The following FAM216A variants were observed in gnomAD, a reference collection of about 807,000 sequenced individuals.
FAM216A encodes family with sequence similarity 216 member A.
In FAM216A, 26 loss-of-function variants were observed where a neutral mutation model predicts 37.6. The ratio of observed to expected loss-of-function variants is 0.69; its 90% confidence interval spans 0.51 to 0.96. The LOEUF is 0.96. Ranked by LOEUF, FAM216A falls within the 40% of genes least tolerant of loss-of-function variation. FAM216A has a pLI of 0.00. For synonymous variants in FAM216A, 110 were observed against 121.7 expected, an observed-to-expected ratio of 0.90 and a Z score of 0.64; for missense variants, 326 against 339.3, an observed-to-expected ratio of 0.96 and a Z score of 0.31.
chr12:110,470,757 C>CT (rs1269026904), intron 1 of FAM216A, among the ~76,000 whole-genome samples: 7 of 152,006 alleles, frequency 4.6e-5, no homozygotes. Flanking sequence ...TTGTCCTTTC[C>CT]TTTTATCTCC....
chr12:110,474,623 C>T (rs1382078337), intron 2 of FAM216A, among the ~76,000 whole-genome samples: 4 of 127,894 alleles, frequency 3.1e-5, no homozygotes, highest in South Asian at 2.7e-4. Context: ...ACTCAGGAGG[C>T]GGAGGTTGCA....
intron 2 of FAM216A, among the ~76,000 whole-genome samples, chr12:110,474,148 G>T (rs2062702548): frequency 6.6e-6 from 1 of 151,996 alleles, no homozygotes; most frequent in Non-Finnish European, 1.5e-5. Flanking sequence ...TAAAAAATGT[G>T]TTGCAGTCTG....
At chr12:110,479,358 C>G (rs2062733262) in intron 2 of FAM216A, among the ~76,000 whole-genome samples, 1 of 152,032 alleles carries the variant, frequency 6.6e-6, no homozygotes. Flanking sequence ...AATATTTCTA[C>G]TAACTCCAAA....
At chr12:110,472,006 C>T (rs1476607088) in intron 1 of FAM216A, among the ~76,000 whole-genome samples, 3 of 151,540 alleles carry the variant, frequency 2.0e-5, no homozygotes, top group South Asian at 4.2e-4. Flanking sequence ...CTGAGGCGGG[C>T]GAATCAGTTG....
At chr12:110,479,843 A>C (rs1419857248) in intron 2 of FAM216A, among the ~76,000 whole-genome samples, 1 of 151,770 alleles carries the variant, frequency 6.6e-6, no homozygotes, top group Non-Finnish European at 1.5e-5. Context: ...TCTAAAAAAA[A>C]ACCCAAAAAA....
chr12:110,486,596 T>C lies in FAM216A; in HGVS notation c.499T>C (p.Cys167Arg). 3 of 1,614,122 alleles carry C rather than the reference T, an allele frequency of 1.9e-6. No homozygotes were observed. The highest frequency in any genetic ancestry group is 2.5e-6 in the Non-Finnish European group (3 of 1,180,032). ...SRYSQKQHYPCTTWRHQLERE... is the reference protein window; with the variant it reads ...SRYSQKQHYPRTTWRHQLERE... Reference sequence around the variant, plus strand: ...TTACTCACAGAAACAGCATTACCCTTGCACTACATGGCGACATCAACTGGA... The same window carrying C: ...TTACTCACAGAAACAGCATTACCCTCGCACTACATGGCGACATCAACTGGA... Residue 167 changes from cysteine (C) to arginine (R), a missense_variant, in exon 5 of 7, where the codon TGC (cysteine) becomes CGC (arginine). Cys to Arg is a radical substitution (Grantham distance 180). Transcript: ENST00000377673.
rs1223185017 is a variant in FAM216A, at chr12:110,468,902, G to T, written c.27G>T (p.Thr9=). The part of the protein sequence containing the change: MLGQLLPH[T]ARGLGAAEMP... ...TGCTGGGACAGCTGCTCCCGCACACGGCTCGCGGTCTCGGCGCCGCGGAGA... is the reference window on the plus strand; with the variant it reads ...TGCTGGGACAGCTGCTCCCGCACACTGCTCGCGGTCTCGGCGCCGCGGAGA... The change falls in exon 1 of 7, where the codon ACG becomes ACT. Residue 9 remains threonine, a synonymous_variant. Coordinates refer to ENST00000377673, the MANE Select transcript of FAM216A (RefSeq NM_013300.3). The T allele has an allele frequency of 2.0e-6, 3 of 1,520,382 alleles. No individual in the cohort carries two copies. The highest frequency in any genetic ancestry group is 2.4e-5 in the South Asian group (2 of 83,058). The allele number at this position is 1,520,382 out of a possible 1,614,324, so 94.2% of individuals were successfully genotyped here. A position where few individuals can be genotyped will look rare whatever the true frequency, so the allele number is the denominator to read the frequency against.
At chr12:110,471,386 C>T (rs2062686445) in intron 1 of FAM216A, among the ~76,000 whole-genome samples, 1 of 152,158 alleles carries the variant, frequency 6.6e-6, no homozygotes, top group African/African-American at 2.4e-5. Flanking sequence ...CCGTGCCCAG[C>T]ACTTTTTTTC....
chr12:110,488,547 C>A (rs1565855371), intron 6 of FAM216A, among the ~76,000 whole-genome samples: 1 of 151,978 alleles, frequency 6.6e-6, no homozygotes, highest in Non-Finnish European at 1.5e-5. Context: ...TCGTCTGAAC[C>A]CAGAACCACA....
At chr12:110,487,810 G>C (rs375148221) in intron 5 of FAM216A, 51 bp from the exon 6 acceptor site, 152 of 1,094,666 alleles carry the variant, frequency 1.4e-4, no homozygotes, top group Non-Finnish European at 2.0e-4. Context: ...ACATGCCCTA[G>C]GCAGCTGTTC....
chr12:110,485,306 C>A, intron 3 of FAM216A, 107 bp downstream of exon 3: 1 of 902,988 alleles, frequency 1.1e-6, no homozygotes, highest in Non-Finnish European at 1.7e-6. Flanking sequence ...GATGACAAGG[C>A]ATATGCAGTA....
In FAM216A at chr12:110,490,161, T is replaced by G; in HGVS notation, c.*24T>G. 1 of 1,189,536 alleles carries G rather than the reference T, an allele frequency of 8.4e-7. No individual in the cohort carries two copies. The highest frequency in any genetic ancestry group is 1.2e-5 in the South Asian group (1 of 82,448). 73.7% of individuals were successfully genotyped at this position (1,189,536 alleles called of 1,614,324 possible). A position where few individuals can be genotyped will look rare whatever the true frequency, so the allele number is the denominator to read the frequency against. ...GACAGTCTTGTCTCGTGTATTGAAT[T>G]CGTGCCAAAGGTGAGGGTAAGGGGT... On this transcript the variant is annotated 3_prime_UTR_variant, in exon 7 of 7. Transcript: ENST00000377673.
At chr12:110,476,192 C>T (rs1473109670) in intron 2 of FAM216A, among the ~76,000 whole-genome samples, 1 of 151,220 alleles carries the variant, frequency 6.6e-6, no homozygotes, top group East Asian at 1.9e-4. Context: ...GAATAGCATT[C>T]AGTTGTCAAT....
At chr12:110,487,736 TG>T in intron 5 of FAM216A, 124 bp from the exon 6 acceptor site, 1 of 682,250 alleles carries the variant, frequency 1.5e-6, no homozygotes, top group Non-Finnish European at 2.7e-6. Flanking sequence ...CAGGAGAATC[TG>T]GGTGCTGAAA....
chr12:110,488,901 T>A (rs2062792715), intron 6 of FAM216A, among the ~76,000 whole-genome samples: 1 of 152,204 alleles, frequency 6.6e-6, no homozygotes, highest in African/African-American at 2.4e-5. Context: ...AAATATCTTA[T>A]ACTGTACCTT....
Position 110,481,528 on chromosome 12 carries a change from GTT to G in FAM216A, c.185-3536_185-3535del, listed in dbSNP as rs541934479. 7.3e-3 allele frequency among the ~76,000 whole-genome samples: 1,017 copies of G among 138,848 alleles called. 1 individual carries two copies. Among genetic ancestry groups the G allele is most frequent in the Non-Finnish European group, 0.01 (633 of 63,194 alleles). The allele number at this position is 138,848 out of a possible 152,430, so 91.1% of individuals were successfully genotyped here. A position where few individuals can be genotyped will look rare whatever the true frequency, so the allele number is the denominator to read the frequency against. ...CCTGGCTAAGTATTTTGTGTGTGTG[GTT>G]TTTTTTTTTTTTTAGTAGAGACGGG... On this transcript the variant is annotated intron_variant, in intron 2 of 6. Transcript: ENST00000377673.
intron 1 of FAM216A, among the ~76,000 whole-genome samples, chr12:110,470,208 C>A (rs1021578062): frequency 6.6e-6 from 1 of 151,590 alleles, no homozygotes; most frequent in Non-Finnish European, 1.5e-5. Context: ...ACGCCATTCT[C>A]CTCCCTCAGC....
At chr12:110,468,790 A>G, upstream of FAM216A, 1 of 1,461,216 alleles carries the variant, frequency 6.8e-7, no homozygotes, top group Non-Finnish European at 9.0e-7. Flanking sequence ...CAGTGTCCGA[A>G]CGGCTTCGGA....
intron 6 of FAM216A, among the ~76,000 whole-genome samples, chr12:110,488,639 A>G (rs1035968542): frequency 6.6e-5 from 10 of 152,140 alleles, no homozygotes; most frequent in Non-Finnish European, 1.3e-4. Context: ...AGCATCTATT[A>G]GTTTACAAAG....
Sources: allele counts gnomAD v4.1 joint callset (sites outside exome capture counted in the v4.1 genomes callset), GRCh38; gene constraint gnomAD v4.1.1; transcripts MANE v1.5; gene names NCBI Gene and HGNC (gene_info 2026-07-23, HGNC 2026-07-21).